Variants in KCNT2 observed in about 807,000 individuals in gnomAD.
KCNT2 encodes potassium sodium-activated channel subfamily T member 2.
KCNT2 carries 67 observed loss-of-function variants against 153.8 expected under a neutral mutation model. The observed-to-expected ratio is 0.44, with a 90% CI of 0.36 to 0.53. The LOEUF is 0.53. KCNT2 is among the 20% of genes least tolerant of loss of function. KCNT2 has a pLI of 0.00. For missense variants in KCNT2, 975 were observed against 1,354.8 expected (o/e 0.72, Z 4.40); for synonymous variants, 500 against 458.8 (o/e 1.09, Z -1.15).
intron 19 of KCNT2, among the ~76,000 whole-genome samples, chr1:196,323,616 C>CACTT (rs1489657436): frequency 1.3e-5 from 2 of 151,848 alleles, no homozygotes; most frequent in Non-Finnish European, 2.9e-5. Flanking sequence ...ACATTGTGAA[C>CACTT]ACTTATTTTG....
At chr1:196,447,665 T>G (rs1167644205) in intron 8 of KCNT2, among the ~76,000 whole-genome samples, 2 of 151,586 alleles carry the variant, frequency 1.3e-5, no homozygotes, top group African/African-American at 4.8e-5. Flanking sequence ...GAATACTCAG[T>G]GTGAAGAAAG....
rs1679907983 is a variant in KCNT2 at position 196,492,194 on chromosome 1, A to G, written c.175+68T>C. On this transcript the variant is annotated intron_variant, in intron 2 of 27. Transcript: ENST00000294725. ...CTATCTAAAAAGTATTTTGCAAAAGATCACACAGTTGAAATATTTTGAAGT... is the reference window on the plus strand; with the variant it reads ...CTATCTAAAAAGTATTTTGCAAAAGGTCACACAGTTGAAATATTTTGAAGT... 3 of 1,335,566 alleles carry G rather than the reference A, an allele frequency of 2.2e-6. No individual in the cohort carries two copies. The South Asian group carries it at 4.6e-5, about 21-fold the overall frequency. 82.7% of individuals were successfully genotyped at this position (1,335,566 alleles called of 1,614,324 possible).
chr1:196,348,782 T>G (rs543844400), intron 14 of KCNT2, among the ~76,000 whole-genome samples: 1 of 152,102 alleles, frequency 6.6e-6, no homozygotes, highest in Admixed American at 6.5e-5. Context: ...TCCCAACACT[T>G]TGGGAGGCTG....
chr1:196,592,888 T>A (rs1429299411), intron 1 of KCNT2, among the ~76,000 whole-genome samples: 2 of 149,754 alleles, frequency 1.3e-5, no homozygotes, highest in African/African-American at 2.4e-5. Flanking sequence ...TTAATAAAAA[T>A]TATTTTTAAG....
chr1:196,356,061 G>C (rs1380801474), intron 14 of KCNT2, among the ~76,000 whole-genome samples: 1 of 151,638 alleles, frequency 6.6e-6, no homozygotes, highest in Non-Finnish European at 1.5e-5. Context: ...TAGACATGTA[G>C]GAACTTACAA....
At chr1:196,514,692 A>G (rs1360695202) in intron 1 of KCNT2, among the ~76,000 whole-genome samples, 1 of 152,210 alleles carries the variant, frequency 6.6e-6, no homozygotes, top group East Asian at 1.9e-4. Context: ...ACCAATGTAC[A>G]TACTTAAATC....
intron 1 of KCNT2, among the ~76,000 whole-genome samples, chr1:196,573,352 C>T (rs1374146009): frequency 6.6e-6 from 1 of 152,032 alleles, no homozygotes; most frequent in Admixed American, 6.6e-5. Context: ...AAATCAAGTG[C>T]ACCTTCTGTG....
chr1:196,464,028 C>G (rs1031091333), intron 8 of KCNT2, among the ~76,000 whole-genome samples: 1 of 151,692 alleles, frequency 6.6e-6, no homozygotes. Context: ...TTGTAATTTT[C>G]CAACAATTGA....
intron 8 of KCNT2, among the ~76,000 whole-genome samples, chr1:196,439,228 C>A (rs1675003814): frequency 6.6e-6 from 1 of 151,820 alleles, no homozygotes; most frequent in Non-Finnish European, 1.5e-5. Flanking sequence ...GAATAAAAAT[C>A]CTTTAAGAAT....
chr1:196,461,767 C>A (rs1677174229), intron 8 of KCNT2, among the ~76,000 whole-genome samples: 1 of 151,596 alleles, frequency 6.6e-6, no homozygotes. Flanking sequence ...ATTACAATGA[C>A]CGAAAAAACA....
intron 8 of KCNT2, among the ~76,000 whole-genome samples, chr1:196,460,082 C>CA (rs1478901152): frequency 2.6e-5 from 4 of 151,416 alleles, no homozygotes; most frequent in Non-Finnish European, 4.4e-5. Flanking sequence ...TAAAAAAAAG[C>CA]AAAAAAGGGA....
Position 196,412,297 on chromosome 1 carries a change from A to G in KCNT2, c.1185+10753T>C, listed in dbSNP as rs948222570. On this transcript the variant is annotated intron_variant, in intron 12 of 27. Transcript: ENST00000294725. Reference sequence around the variant, plus strand: ...AGGACTTAGTGTCACTTCTACTAGTAGATAAGCTCCATGAGAATGGAAATG... The same window carrying G: ...AGGACTTAGTGTCACTTCTACTAGTGGATAAGCTCCATGAGAATGGAAATG... Among the ~76,000 whole-genome samples, 5 of 151,724 alleles carry G rather than the reference A, an allele frequency of 3.3e-5. No homozygotes were observed. The South Asian group carries it at 1.0e-3, about 31-fold the overall frequency.
At chr1:196,258,610 C>T (rs1259848104) in intron 25 of KCNT2, 116 bp from the exon 26 acceptor site, 1 of 823,786 alleles carries the variant, frequency 1.2e-6, no homozygotes, top group Admixed American at 2.5e-5. Context: ...AGAGTTTTCA[C>T]AGAAAGAGCA....
chr1:196,236,043 A>G lies in KCNT2; in HGVS notation c.3239T>C (p.Leu1080Pro). Residue 1080 changes from leucine (L) to proline (P), a missense_variant, in exon 27 of 28, where the codon CTC (leucine) becomes CCC (proline). Leu to Pro is a moderately conservative substitution (Grantham distance 98). Coordinates refer to ENST00000294725, the MANE Select transcript of KCNT2 (RefSeq NM_198503.5). ...YDEMNDHQST[L>P]SYILINPSPD... ...AGATGGGTTAATCAGGATGTAGGAGAGGGTACTTTGATGATCATTCATTTC... is the reference window on the plus strand; with the variant it reads ...AGATGGGTTAATCAGGATGTAGGAGGGGGTACTTTGATGATCATTCATTTC... The G allele has an allele frequency of 6.2e-7, 1 of 1,601,102 alleles. No individual in the cohort carries two copies. The highest frequency in any genetic ancestry group is 8.6e-7 in the Non-Finnish European group (1 of 1,169,254).
At chr1:196,602,473 T>C (rs1664828724) in intron 1 of KCNT2, among the ~76,000 whole-genome samples, 1 of 152,186 alleles carries the variant, frequency 6.6e-6, no homozygotes, top group Non-Finnish European at 1.5e-5. Context: ...CAGTATTCAG[T>C]GGAGCCCCAG....
chr1:196,331,594 G>A (rs970101776), intron 17 of KCNT2, among the ~76,000 whole-genome samples: 5 of 152,074 alleles, frequency 3.3e-5, no homozygotes, highest in African/African-American at 1.2e-4. Flanking sequence ...ACTCATTCAT[G>A]TATGTATTGT....
intron 19 of KCNT2, among the ~76,000 whole-genome samples, chr1:196,325,986 T>C (rs1019706050): frequency 2.0e-5 from 3 of 152,062 alleles, no homozygotes; most frequent in Non-Finnish European, 4.4e-5. Flanking sequence ...TTGCATCACA[T>C]TGGAATGGAT....
chr1:196,467,645 T>C, intron 7 of KCNT2, 58 bp downstream of exon 7: 2 of 1,159,504 alleles, frequency 1.7e-6, no homozygotes, highest in Middle Eastern at 2.7e-4. Context: ...ATCTAAACAT[T>C]GAAAATAAGA....
intron 26 of KCNT2, among the ~76,000 whole-genome samples, chr1:196,238,464 A>T (rs993833508): frequency 6.6e-6 from 1 of 152,032 alleles, no homozygotes; most frequent in Non-Finnish European, 1.5e-5. Flanking sequence ...CGTAGAAAGC[A>T]TCACAATCAG....
Sources: allele counts gnomAD v4.1 joint callset (sites outside exome capture counted in the v4.1 genomes callset), GRCh38; gene constraint gnomAD v4.1.1; transcripts MANE v1.5; gene names NCBI Gene and HGNC (gene_info 2026-07-23, HGNC 2026-07-21).